The following KIF20B variants were observed in gnomAD, a reference collection of about 807,000 sequenced individuals.
The protein encoded by KIF20B is kinesin family member 20B.
In KIF20B, 188 loss-of-function variants were observed where a neutral mutation model predicts 232.5. That is an observed-to-expected ratio of 0.81 (90% CI 0.72 to 0.91). The LOEUF is 0.91. KIF20B is among the 40% of genes least tolerant of loss of function. The probability of loss-of-function intolerance (pLI) is 0.00; values close to 1 mark genes in which losing one functional copy is unlikely to be tolerated. For synonymous variants in KIF20B, 712 were observed against 683.0 expected (o/e 1.04, Z -0.66); for missense variants, 2,154 against 2,055.9 (o/e 1.05, Z -0.92).
intron 21 of KIF20B, among the ~76,000 whole-genome samples, chr10:89,742,831 C>T (rs955070903): frequency 1.3e-4 from 19 of 151,636 alleles, no homozygotes; most frequent in African/African-American, 1.9e-4. Context: ...TCCCGAGTAG[C>T]TGGGACTACA....
rs1842933915 is a variant in KIF20B at position 89,716,377 on chromosome 10, A to G, written c.941-59A>G. On this transcript the variant is annotated intron_variant, in intron 8 of 32. Transcript: ENST00000371728. ...AGGAAAAGACTTTCAAAGAGATTAC[A>G]TTGTAGAACACATTCTTTGTCTCAA... 8 of 737,110 alleles carry G rather than the reference A, an allele frequency of 1.1e-5. No individual in the cohort carries two copies. The East Asian group carries it at 1.1e-4, about 10-fold the overall frequency. 45.7% of individuals were successfully genotyped at this position (737,110 alleles called of 1,614,324 possible).
intron 26 of KIF20B, among the ~76,000 whole-genome samples, chr10:89,755,851 C>T (rs1422973357): frequency 6.6e-6 from 1 of 152,172 alleles, no homozygotes; most frequent in African/African-American, 2.4e-5. Flanking sequence ...GCCTCAGCTT[C>T]CCCCAAGTGT....
chr10:89,716,564 G>A lies in KIF20B; in HGVS notation c.1052+17G>A, dbSNP rs756973622. ...CAGTAGAAGGTAAAGAATAAACTCT[G>A]TAAGAGTAAACTCGAATCACCGATA... is the stretch of plus-strand genomic sequence containing the variant. On this transcript the variant is annotated intron_variant, in intron 9 of 32. Coordinates refer to ENST00000371728, the MANE Select transcript of KIF20B (RefSeq NM_001284259.2). 1 of 1,210,752 alleles carries A rather than the reference G, an allele frequency of 8.3e-7. No homozygotes were observed. The highest frequency in any genetic ancestry group is 1.2e-6 in the Non-Finnish European group (1 of 832,160). The allele number at this position is 1,210,752 out of a possible 1,614,324, so 75.0% of individuals were successfully genotyped here.
intron 32 of KIF20B, among the ~76,000 whole-genome samples, chr10:89,773,267 G>C (rs1555868): frequency 0.31 from 47,360 of 151,758 alleles, 8,361 homozygotes; most frequent in African/African-American, 0.47. Flanking sequence ...ATCACCCTGA[G>C]TCTATGATTC....
intron 11 of KIF20B, 28 bp from the exon 12 acceptor site, chr10:89,718,682 C>T (rs751757311): frequency 3.8e-6 from 6 of 1,571,406 alleles, no homozygotes; most frequent in African/African-American, 1.4e-5. Flanking sequence ...TTTTAACTTA[C>T]AATGTTTTCT....
chr10:89,730,075 C>T (rs1488450478), intron 18 of KIF20B, among the ~76,000 whole-genome samples: 3 of 152,078 alleles, frequency 2.0e-5, no homozygotes, highest in East Asian at 3.9e-4. Context: ...CACCAACATT[C>T]CCTGATTCAT....
chr10:89,763,352 C>T (rs546896891), intron 29 of KIF20B, among the ~76,000 whole-genome samples: 1 of 152,214 alleles, frequency 6.6e-6, no homozygotes, highest in African/African-American at 2.4e-5. Context: ...GATATAGCGT[C>T]CTTGCTTCAG....
At chr10:89,759,599 A>G (rs1842197161) in intron 27 of KIF20B, among the ~76,000 whole-genome samples, 1 of 152,192 alleles carries the variant, frequency 6.6e-6, no homozygotes, top group Non-Finnish European at 1.5e-5. Context: ...AATATATCCT[A>G]GAAAGTCAGA....
At position 89,716,448 on chromosome 10, in the gene KIF20B, T is replaced by G. The variant is rs747481872; in HGVS notation, c.953T>G (p.Ile318Ser). The G allele has an allele frequency of 4.1e-6, 6 of 1,456,220 alleles. No homozygotes were observed. In the South Asian group the frequency reaches 7.2e-5, roughly 18 times the overall value. The allele number at this position is 1,456,220 out of a possible 1,614,324, so 90.2% of individuals were successfully genotyped here. The change falls in exon 9 of 33, where the codon ATT becomes AGT. Residue 318 changes from isoleucine (I) to serine (S), a missense_variant. Coordinates refer to ENST00000371728, the MANE Select transcript of KIF20B (RefSeq NM_001284259.2). ...GYSFIKDLQWIQVSDSKEAYR... is the reference protein window; with the variant it reads ...GYSFIKDLQWSQVSDSKEAYR... ...TTATTTTTTAAAGATCTACAATGGA[T>G]TCAAGTATCTGATTCCAAAGAAGCC...
intron 32 of KIF20B, 41 bp from the exon 33 acceptor site, chr10:89,773,930 C>A (rs1589316790): frequency 4.2e-6 from 5 of 1,178,998 alleles, no homozygotes; most frequent in Non-Finnish European, 6.0e-6. Flanking sequence ...TTTTTATTTT[C>A]ACTTACAAGC....
Position 89,749,410 on chromosome 10 carries a change from AGT to A in KIF20B, c.4097-1933_4097-1932del, listed in dbSNP as rs1026613668. ...TGTAACATAAAATTTACCTTTTAAA[AGT>A]GTACAGTTTAGTGGGCTTTAGTACT... On this transcript the variant is annotated intron_variant, in intron 23 of 32. Coordinates refer to ENST00000371728, the MANE Select transcript of KIF20B (RefSeq NM_001284259.2). 2.6e-4 allele frequency among the ~76,000 whole-genome samples: 40 copies of A among 152,308 alleles called. 1 individual carries two copies. Among genetic ancestry groups the A allele is most frequent in the Admixed American group, 2.2e-3 (33 of 15,292 alleles).
Position 89,758,758 on chromosome 10 carries a change from GAGAAGA to G in KIF20B, c.4558_4563del (p.Glu1520_Glu1521del). ...AAAGATAGTGACCTTCAAAAGTGGC[GAGAAGA>G]ACGAGATCAACTGGTTGCAGCTTTA... On this transcript the variant is annotated inframe_deletion, in exon 27 of 33. Transcript: ENST00000371728. 1 of 1,607,260 alleles carries G rather than the reference GAGAAGA, an allele frequency of 6.2e-7. No individual in the cohort carries two copies. Among genetic ancestry groups the G allele is most frequent in the Non-Finnish European group, 8.5e-7 (1 of 1,176,848 alleles).
chr10:89,737,850 CAT>C lies in KIF20B; in HGVS notation c.3011_3012del (p.Ile1004ArgfsTer13), dbSNP rs759603637. 1.5e-5 allele frequency: 24 copies of C among 1,613,362 alleles called. No homozygotes were observed. Among genetic ancestry groups the C allele is most frequent in the East Asian group, 2.2e-5 (1 of 44,834 alleles). On this transcript the variant is annotated frameshift_variant, in exon 20 of 33. Coordinates refer to ENST00000371728, the MANE Select transcript of KIF20B (RefSeq NM_001284259.2). LOFTEE classifies it high-confidence loss of function. ...TLDSVSQISN[I>X]DLLNLRDLSN... ...TTGATTCAGTTTCTCAGATTTCAAA[CAT>C]AGATTTGCTCAATCTCAGGGATCTG...
rs1039308950 is a variant in KIF20B at position 89,738,198 on chromosome 10, T to A, written c.3357T>A (p.Thr1119=). Reference sequence around the variant, plus strand: ...ATGACCTACTAAAAGAAAAAGAAACTCTTATACAGCAGCTGAAAGAAGAAT... The same window carrying A: ...ATGACCTACTAAAAGAAAAAGAAACACTTATACAGCAGCTGAAAGAAGAAT... ...NQDDLLKEKE[T]LIQQLKEELQ... The change falls in exon 20 of 33, where the codon ACT becomes ACA. Residue 1119 remains threonine (T), a synonymous_variant. Transcript: ENST00000371728. The A allele has an allele frequency of 6.2e-6, 10 of 1,604,722 alleles. No individual in the cohort carries two copies. The highest frequency in any genetic ancestry group is 8.5e-6 in the Non-Finnish European group (10 of 1,178,356).
In KIF20B at chr10:89,725,050, A is replaced by G. The variant is rs1167161869; in HGVS notation, c.1893A>G (p.Leu631=). 6.2e-7 allele frequency: 1 copy of G among 1,613,844 alleles called. No homozygotes were observed. The highest frequency in any genetic ancestry group is 1.7e-5 in the Admixed American group (1 of 60,010). ...CTCTGCTTCAAGAACGAGAGATATT[A>G]GAAGAAAATGCTGAACGTCGTTTGG... ...KETLLQEREI[L]EENAERRLAI... The change falls in exon 15 of 33, where the codon TTA becomes TTG. Residue 631 remains leucine, a synonymous_variant. Transcript: ENST00000371728.
At chr10:89,712,268 T>C (rs1487609112) in intron 6 of KIF20B, among the ~76,000 whole-genome samples, 1 of 152,118 alleles carries the variant, frequency 6.6e-6, no homozygotes, top group African/African-American at 2.4e-5. Flanking sequence ...TTTTTTAGTT[T>C]TTAGAGACAG....
chr10:89,713,803 T>G lies in KIF20B; in HGVS notation c.676-244T>G, dbSNP rs142509532. 4.8e-3 allele frequency among the ~76,000 whole-genome samples: 731 copies of G among 152,286 alleles called. 3 individuals carry two copies. Among genetic ancestry groups the G allele is most frequent in the African/African-American group, 0.017 (703 of 41,574 alleles). On this transcript the variant is annotated intron_variant, in intron 6 of 32. Coordinates refer to ENST00000371728, the MANE Select transcript of KIF20B (RefSeq NM_001284259.2). ...GGGAAAAGAATAGAAGGGAAATATTTTAAAATATTAATAGTAACCAACCAG... is the reference window on the plus strand; with the variant it reads ...GGGAAAAGAATAGAAGGGAAATATTGTAAAATATTAATAGTAACCAACCAG...
chr10:89,743,116 A>G (rs1196927093), intron 21 of KIF20B, among the ~76,000 whole-genome samples: 2 of 152,206 alleles, frequency 1.3e-5, no homozygotes, highest in East Asian at 3.8e-4. Flanking sequence ...ATAGAAGAGA[A>G]GGCTCTGCTG....
intron 29 of KIF20B, among the ~76,000 whole-genome samples, chr10:89,764,927 T>A (rs956539978): frequency 1.3e-5 from 2 of 151,722 alleles, no homozygotes; most frequent in Non-Finnish European, 2.9e-5. Flanking sequence ...AATTTTGGCT[T>A]TTGTTGCCAT....
Sources: allele counts gnomAD v4.1 joint callset (sites outside exome capture counted in the v4.1 genomes callset), GRCh38; gene constraint gnomAD v4.1.1; transcripts MANE v1.5; gene names NCBI Gene and HGNC (gene_info 2026-07-23, HGNC 2026-07-21).